CENPP: variants seen among roughly 807,000 people sequenced by gnomAD.
CENPP encodes the protein centromere protein P.
CENPP carries 24 observed loss-of-function variants against 35.6 expected under a neutral mutation model. The ratio of observed to expected loss-of-function variants is 0.67; its 90% confidence interval spans 0.49 to 0.95. The LOEUF (loss-of-function observed/expected upper bound fraction) is 0.95, where lower values mean the gene tolerates loss of function less well. Ranked by LOEUF, CENPP falls within the 40% of genes least tolerant of loss-of-function variation. The pLI is 0.00. For missense variants in CENPP, 332 were observed against 345.3 expected, an observed-to-expected ratio of 0.96 and a Z score of 0.31; for synonymous variants, 120 against 125.5, an observed-to-expected ratio of 0.96 and a Z score of 0.29.
intron 5 of CENPP, among the ~76,000 whole-genome samples, chr9:92,391,993 C>T (rs1045493943): frequency 1.3e-5 from 2 of 151,124 alleles, no homozygotes; most frequent in East Asian, 1.9e-4. Context: ...AAATGTGTAG[C>T]GGGGCTAGTA....
At chr9:92,576,831 T>C (rs553984707) in intron 5 of CENPP, among the ~76,000 whole-genome samples, 252 of 152,210 alleles carry the variant, frequency 1.7e-3, no homozygotes, top group Middle Eastern at 3.4e-3. Flanking sequence ...AGTAAATAAG[T>C]AGTATGTATG....
chr9:92,389,946 G>A (rs746882470), intron 5 of CENPP: 1 of 1,612,432 alleles, frequency 6.2e-7, no homozygotes, highest in Non-Finnish European at 8.5e-7. Flanking sequence ...GGAAGTTTTA[G>A]TAGTTGATTT....
chr9:92,439,013 G>A (rs1844316883), intron 5 of CENPP, among the ~76,000 whole-genome samples: 1 of 152,206 alleles, frequency 6.6e-6, no homozygotes, highest in African/African-American at 2.4e-5. Flanking sequence ...TATGGCCTTA[G>A]TAAATGCTTG....
intron 5 of CENPP, among the ~76,000 whole-genome samples, chr9:92,423,959 AT>A (rs906284166): frequency 7.9e-5 from 12 of 152,138 alleles, no homozygotes; most frequent in African/African-American, 2.9e-4. Flanking sequence ...GTAAAAAAAA[AT>A]CTAAACAAAG....
At chr9:92,372,099 CTTTTTTTTTTTTT>C (rs71362382) in intron 4 of CENPP, among the ~76,000 whole-genome samples, 15 of 30,680 alleles carry the variant, frequency 4.9e-4, no homozygotes, top group South Asian at 5.0e-3. Flanking sequence ...TGCCAGCCAT[CTTTTTTTTTTTTT>C]TTTTTTTTTT....
intron 5 of CENPP, among the ~76,000 whole-genome samples, chr9:92,591,233 A>C (rs905948157): frequency 4.6e-5 from 7 of 152,046 alleles, no homozygotes; most frequent in African/African-American, 1.7e-4. Flanking sequence ...TCCTGGCTAA[A>C]ACGGTGAAAC....
intron 4 of CENPP, among the ~76,000 whole-genome samples, chr9:92,354,517 T>A (rs1165123646): frequency 6.6e-6 from 1 of 152,126 alleles, no homozygotes; most frequent in Non-Finnish European, 1.5e-5. Flanking sequence ...CCCTTGATTA[T>A]CCATCCTATC....
At position 92,570,948 on chromosome 9, in the gene CENPP, A is replaced by G. The variant is rs1234290720; in HGVS notation, c.565-40366A>G. Among the ~76,000 whole-genome samples the G allele has an allele frequency of 6.6e-5, 10 of 151,714 alleles. No individual in the cohort carries two copies. In the East Asian group the frequency reaches 1.4e-3, roughly 21 times the overall value. ...TATCCCCTTTATCATTTTTTATTGC[A>G]TCTATTTGATTCTTCTCTCTTTTCT... On this transcript the variant is annotated intron_variant, in intron 5 of 7. Coordinates refer to ENST00000375587, the MANE Select transcript of CENPP (RefSeq NM_001012267.3).
At chr9:92,601,725 C>CGGCT (rs1850924909) in intron 5 of CENPP, among the ~76,000 whole-genome samples, 1 of 152,158 alleles carries the variant, frequency 6.6e-6, no homozygotes, top group Non-Finnish European at 1.5e-5. Flanking sequence ...GACTGTAAAT[C>CGGCT]GGCTGATCAA....
At chr9:92,552,301 AC>A in intron 5 of CENPP, among the ~76,000 whole-genome samples, 1 of 151,948 alleles carries the variant, frequency 6.6e-6, no homozygotes, top group South Asian at 2.1e-4. Context: ...GCTGCTATAA[AC>A]ATGCATGTCT....
chr9:92,390,597 C>CGCGCGT (rs2130895007), intron 5 of CENPP, among the ~76,000 whole-genome samples: 1 of 149,146 alleles, frequency 6.7e-6, no homozygotes, highest in South Asian at 2.2e-4. Flanking sequence ...TGCGCGCGCG[C>CGCGCGT]GTACTTGCGT....
chr9:92,573,271 G>T (rs1399750110), intron 5 of CENPP, among the ~76,000 whole-genome samples: 4 of 152,138 alleles, frequency 2.6e-5, no homozygotes, highest in African/African-American at 9.7e-5. Flanking sequence ...CGTACAGATG[G>T]GGTTTTGGTG....
Position 92,525,209 on chromosome 9 carries a change from TCAGGAGGCTGAGG to T in CENPP, c.565-86095_565-86083del, listed in dbSNP as rs560392120. 5.1e-4 allele frequency among the ~76,000 whole-genome samples: 78 copies of T among 152,068 alleles called. 2 individuals are homozygous for T. In the East Asian group the frequency reaches 0.015, roughly 29 times the overall value. On this transcript the variant is annotated intron_variant, in intron 5 of 7. Coordinates refer to ENST00000375587, the MANE Select transcript of CENPP (RefSeq NM_001012267.3). Reference sequence around the variant, plus strand: ...GGTGCATACCTGTAGTCCTAGCTACTCAGGAGGCTGAGGCAGGAGGCTCACTTGAGCCCAGAAG... The same window carrying T: ...GGTGCATACCTGTAGTCCTAGCTACTCAGGAGGCTCACTTGAGCCCAGAAG...
At chr9:92,394,503 G>A (rs1010983629) in intron 5 of CENPP, among the ~76,000 whole-genome samples, 1 of 149,974 alleles carries the variant, frequency 6.7e-6, no homozygotes, top group East Asian at 2.0e-4. Context: ...TGCCTGCCTC[G>A]GTCTCCCAAA....
intron 5 of CENPP, among the ~76,000 whole-genome samples, chr9:92,554,205 C>T (rs1428770478): frequency 2.0e-5 from 3 of 148,564 alleles, no homozygotes; most frequent in Non-Finnish European, 4.4e-5. Flanking sequence ...TTTTTTGAGA[C>T]GGAGTTTCGC....
chr9:92,459,666 AT>A, intron 5 of CENPP: 1 of 1,612,670 alleles, frequency 6.2e-7, no homozygotes, highest in Non-Finnish European at 8.5e-7. Flanking sequence ...TCCTGAAGGG[AT>A]TTTTTTTAGT....
chr9:92,530,239 A>G (rs1418691528), intron 5 of CENPP, among the ~76,000 whole-genome samples: 1 of 152,162 alleles, frequency 6.6e-6, no homozygotes, highest in Non-Finnish European at 1.5e-5. Context: ...GTCAAAACCC[A>G]AGAATACAGA....
chr9:92,440,350 T>TA (rs1844354807), intron 5 of CENPP, among the ~76,000 whole-genome samples: 1 of 148,276 alleles, frequency 6.7e-6, no homozygotes, highest in Non-Finnish European at 1.5e-5. Flanking sequence ...TGAGTTAAAA[T>TA]AAATAAATAA....
chr9:92,502,696 T>C (rs891993033), intron 5 of CENPP: 7 of 1,449,688 alleles, frequency 4.8e-6, no homozygotes, highest in African/African-American at 1.4e-5. Context: ...TTGTGTTAGT[T>C]GATACGTTCA....
Sources: allele counts gnomAD v4.1 joint callset (sites outside exome capture counted in the v4.1 genomes callset), GRCh38; gene constraint gnomAD v4.1.1; transcripts MANE v1.5; gene names NCBI Gene and HGNC (gene_info 2026-07-23, HGNC 2026-07-21).